The following MCTP2 variants were observed in gnomAD, a reference collection of about 807,000 sequenced individuals.
MCTP2 encodes the protein multiple C2 and transmembrane domain-containing protein 2.
A neutral mutation model predicts 111.6 loss-of-function variants in MCTP2; 132 were observed. The ratio of observed to expected loss-of-function variants is 1.18; its 90% confidence interval spans 1.03 to 1.37. The LOEUF (loss-of-function observed/expected upper bound fraction) is 1.37, where lower values mean the gene tolerates loss of function less well. MCTP2 is among the 40% of genes most tolerant of loss of function. The pLI is 0.00. For synonymous variants in MCTP2, 395 were observed against 387.7 expected, an observed-to-expected ratio of 1.02 and a Z score of -0.22; for missense variants, 1,183 against 1,067.9, an observed-to-expected ratio of 1.11 and a Z score of -1.50.
chr15:94,467,287 G>T (rs976223341), intron 20 of MCTP2, among the ~76,000 whole-genome samples: 1 of 151,984 alleles, frequency 6.6e-6, no homozygotes, highest in African/African-American at 2.4e-5. Flanking sequence ...GGGTTTTGTT[G>T]CCACCTAGCT....
At chr15:94,347,206 C>T (rs878970246) in intron 8 of MCTP2, among the ~76,000 whole-genome samples, 8 of 152,070 alleles carry the variant, frequency 5.3e-5, no homozygotes, top group South Asian at 2.1e-4. Flanking sequence ...AGACTATAGA[C>T]GCTTGATCAA....
chr15:94,375,172 T>G (rs890845272), intron 12 of MCTP2, among the ~76,000 whole-genome samples: 3 of 152,018 alleles, frequency 2.0e-5, no homozygotes, highest in African/African-American at 7.2e-5. Flanking sequence ...GACCAATGGA[T>G]AGGGGATGCT....
At chr15:94,298,996 C>CCTCTCCCT (rs1441466726) in intron 2 of MCTP2, among the ~76,000 whole-genome samples, 1 of 62,690 alleles carries the variant, frequency 1.6e-5, no homozygotes, top group African/African-American at 6.1e-5. Context: ...TCCCTCTCTC[C>CCTCTCCCT]CTCTCCCTCT....
rs1221030186 is a variant in MCTP2, at chr15:94,458,208, C to A, written c.2322C>A (p.Val774=). The part of the protein sequence containing the change: ...VQDIVSTVQN[V]LEEIASFGER... ...ATATTGTTTCAACTGTTCAAAACGT[C>A]TTGGAGGAAATAGCTTCTTTTGGAG... The change falls in exon 20 of 23, where the codon GTC becomes GTA. Residue 774 remains valine (V), a synonymous_variant. Coordinates refer to ENST00000357742, the MANE Select transcript of MCTP2 (RefSeq NM_001385001.1). 1.9e-6 allele frequency: 3 copies of A among 1,611,476 alleles called. No individual in the cohort carries two copies. The African/African-American group carries it at 4.0e-5, about 22-fold the overall frequency.
At chr15:94,387,525 G>A (rs1027262083) in intron 14 of MCTP2, among the ~76,000 whole-genome samples, 2 of 152,298 alleles carry the variant, frequency 1.3e-5, no homozygotes, top group East Asian at 1.9e-4. Context: ...AGGAGTCCTC[G>A]ATTGGGACTT....
rs2075386201 is a variant in MCTP2, at chr15:94,298,626, G to C, written c.361G>C (p.Glu121Gln). 9 of 1,614,014 alleles carry C rather than the reference G, an allele frequency of 5.6e-6. No individual in the cohort carries two copies. The highest frequency in any genetic ancestry group is 7.6e-6 in the Non-Finnish European group (9 of 1,180,032). The change falls in exon 2 of 23, where the codon GAG becomes CAG. Residue 121 changes from glutamate (E) to glutamine (Q), a missense_variant. Coordinates refer to ENST00000357742, the MANE Select transcript of MCTP2 (RefSeq NM_001385001.1). ...CCTCCATGTGGTGGAAACAGACTCAGAGGAGGCCTATGCCTCTCCTGCTGA... is the reference window on the plus strand; with the variant it reads ...CCTCCATGTGGTGGAAACAGACTCACAGGAGGCCTATGCCTCTCCTGCTGA... ...SHLHVVETDS[E>Q]EAYASPAERR...
chr15:94,236,508 A>G (rs915646262), intron 1 of MCTP2, among the ~76,000 whole-genome samples: 2 of 150,350 alleles, frequency 1.3e-5, no homozygotes, highest in Admixed American at 1.3e-4. Context: ...CTCGGGTATA[A>G]ACCTAAGGTT....
intron 1 of MCTP2, among the ~76,000 whole-genome samples, chr15:94,286,003 T>G (rs2074736770): frequency 6.6e-6 from 1 of 152,204 alleles, no homozygotes; most frequent in Non-Finnish European, 1.5e-5. Flanking sequence ...GAAATGATTC[T>G]CCACCTGTAA....
chr15:94,383,475 A>G (rs988741296), intron 12 of MCTP2, among the ~76,000 whole-genome samples: 3 of 152,186 alleles, frequency 2.0e-5, no homozygotes, highest in African/African-American at 7.2e-5. Flanking sequence ...GTTGCTGATA[A>G]ATACATACCT....
chr15:94,470,210 A>G (rs2073801714), intron 20 of MCTP2, 123 bp from the exon 21 acceptor site: 1 of 699,330 alleles, frequency 1.4e-6, no homozygotes, highest in Non-Finnish European at 2.4e-6. Flanking sequence ...TTTTTAACAA[A>G]ATTTTTCCAA....
chr15:94,390,118 A>ACT, intron 14 of MCTP2, among the ~76,000 whole-genome samples: 1 of 132,224 alleles, frequency 7.6e-6, no homozygotes, highest in African/African-American at 3.4e-5. Context: ...ATATATGTAT[A>ACT]TATATATATA....
intron 1 of MCTP2, among the ~76,000 whole-genome samples, chr15:94,246,851 T>A (rs923631413): frequency 1.1e-4 from 16 of 152,210 alleles, no homozygotes; most frequent in African/African-American, 3.6e-4. Flanking sequence ...TTTTAAAAGA[T>A]GATGGTTTTA....
At chr15:94,472,337 A>G (rs757529648) in intron 21 of MCTP2, among the ~76,000 whole-genome samples, 2 of 152,204 alleles carry the variant, frequency 1.3e-5, no homozygotes, top group Non-Finnish European at 2.9e-5. Flanking sequence ...AGATCAAGCC[A>G]CTGCACTCCA....
intron 1 of MCTP2, among the ~76,000 whole-genome samples, chr15:94,235,231 G>A (rs2070458127): frequency 6.7e-6 from 1 of 148,658 alleles, no homozygotes; most frequent in South Asian, 2.2e-4. Context: ...TCCAGCCTGG[G>A]AGACAAGAGC....
At chr15:94,406,183 A>G (rs2081887182) in intron 17 of MCTP2, among the ~76,000 whole-genome samples, 1 of 152,184 alleles carries the variant, frequency 6.6e-6, no homozygotes, top group African/African-American at 2.4e-5. Flanking sequence ...CACTGTCCCA[A>G]GGATTTTATA....
chr15:94,376,823 A>C (rs1369540486), intron 12 of MCTP2, among the ~76,000 whole-genome samples: 1 of 152,202 alleles, frequency 6.6e-6, no homozygotes, highest in Admixed American at 6.5e-5. Context: ...TTCATGGTAG[A>C]GAAATTCTCA....
At chr15:94,460,878 A>G (rs772620208) in intron 20 of MCTP2, among the ~76,000 whole-genome samples, 1 of 152,220 alleles carries the variant, frequency 6.6e-6, no homozygotes, top group Non-Finnish European at 1.5e-5. Context: ...TGGGCATTCA[A>G]GTGGGATGTC....
In MCTP2 at chr15:94,430,824, CTCTT is replaced by C. The variant is rs143608625; in HGVS notation, c.2086-9347_2086-9344del. Among the ~76,000 whole-genome samples the C allele has an allele frequency of 4.5e-3, 685 of 152,184 alleles. 13 individuals carry two copies. In the East Asian group the frequency reaches 0.08, roughly 18 times the overall value. On this transcript the variant is annotated intron_variant, in intron 17 of 22. Coordinates refer to ENST00000357742, the MANE Select transcript of MCTP2 (RefSeq NM_001385001.1). ...TCCCGATTCTGGGCCTTTGCATTTG[CTCTT>C]TCTTCTGCCTGGAAACATTATTCAC...
chr15:94,375,243 A>T (rs1233190166), intron 12 of MCTP2, among the ~76,000 whole-genome samples: 1 of 152,170 alleles, frequency 6.6e-6, no homozygotes, highest in Admixed American at 6.5e-5. Context: ...CCAAGAGGAT[A>T]GCGCTAAACC....
Sources: gnomAD v4.1 joint callset for allele counts (sites outside exome capture counted in the v4.1 genomes callset) on GRCh38, gnomAD v4.1.1 for gene constraint, MANE v1.5 for transcripts, NCBI Gene and HGNC (gene_info 2026-07-23, HGNC 2026-07-21) for gene names.